The following IKZF3 variants were observed in gnomAD, a reference collection of about 807,000 sequenced individuals.
IKZF3 encodes the protein zinc finger protein Aiolos.
Under a neutral mutation model 49.0 loss-of-function variants are expected in IKZF3, and 10 were observed. That is an observed-to-expected ratio of 0.20 (90% CI 0.13 to 0.35). The LOEUF is 0.35. IKZF3 is among the 10% of genes least tolerant of loss of function. IKZF3 has a pLI of 1.00. For missense variants in IKZF3, 498 were observed against 664.8 expected, an observed-to-expected ratio of 0.75 and a Z score of 2.76; for synonymous variants, 209 against 228.2, an observed-to-expected ratio of 0.92 and a Z score of 0.76.
chr17:39,777,654 T>C lies in IKZF3; in HGVS notation c.823A>G (p.Ile275Val), dbSNP rs2143723035. 1 of 1,609,222 alleles carries C rather than the reference T, an allele frequency of 6.2e-7. No homozygotes were observed. Among genetic ancestry groups the C allele is most frequent in the Non-Finnish European group, 8.5e-7 (1 of 1,176,006 alleles). ...KRKSSMPQKF[I>V]GEKRHCFDVN... The stretch of plus-strand genomic sequence containing the variant: ...GGAAAAAGGTTTGTATTCTTACCAA[T>C]GAATTTCTGAGGCATTGAGCTTTTT... Residue 275 changes from isoleucine (I) to valine (V), a missense_variant, in exon 7 of 8, where the codon ATT (isoleucine) becomes GTT (valine). Physicochemically the swap from Ile to Val is conservative, Grantham distance 29. Transcript: ENST00000346872.
At chr17:39,788,864 G>C (rs922537151) in intron 5 of IKZF3, among the ~76,000 whole-genome samples, 1 of 152,210 alleles carries the variant, frequency 6.6e-6, no homozygotes, top group African/African-American at 2.4e-5. Flanking sequence ...GGTAAATTTA[G>C]CTCATCCTTG....
intron 6 of IKZF3, among the ~76,000 whole-genome samples, chr17:39,782,615 T>C (rs2060772985): frequency 1.3e-5 from 2 of 152,146 alleles, no homozygotes; most frequent in Non-Finnish European, 2.9e-5. Flanking sequence ...CCACTTCATA[T>C]CTCAGAAATG....
chr17:39,806,228 A>AT (rs1455877430), intron 3 of IKZF3, among the ~76,000 whole-genome samples: 1 of 152,242 alleles, frequency 6.6e-6, no homozygotes, highest in Non-Finnish European at 1.5e-5. Context: ...TAATGTATAT[A>AT]TAGGCGTAGC....
At chr17:39,830,330 T>C (rs1395476917) in intron 2 of IKZF3, among the ~76,000 whole-genome samples, 1 of 152,230 alleles carries the variant, frequency 6.6e-6, no homozygotes, top group Non-Finnish European at 1.5e-5. Context: ...TACTGAATGT[T>C]GACAAGGCTA....
intron 7 of IKZF3, among the ~76,000 whole-genome samples, chr17:39,771,213 G>T: frequency 6.6e-6 from 1 of 152,226 alleles, no homozygotes; most frequent in South Asian, 2.1e-4. Context: ...TGCTGTGATG[G>T]TTCCCATAGC....
chr17:39,854,547 A>T (rs1270253615), intron 1 of IKZF3, among the ~76,000 whole-genome samples: 2 of 152,220 alleles, frequency 1.3e-5, no homozygotes, highest in East Asian at 3.8e-4. Flanking sequence ...TCTAGAAGTC[A>T]TTAGACAGCA....
chr17:39,820,175 T>G (rs1306514136), intron 3 of IKZF3, among the ~76,000 whole-genome samples: 1 of 152,068 alleles, frequency 6.6e-6, no homozygotes, highest in Non-Finnish European at 1.5e-5. Flanking sequence ...TAAACAAAAC[T>G]CCAAAGTTAT....
chr17:39,835,904 C>A (rs2062265367), intron 1 of IKZF3: 4 of 653,140 alleles, frequency 6.1e-6, no homozygotes, highest in Non-Finnish European at 1.1e-5. Context: ...CCAGCCCCTG[C>A]ATGTTGCCAA....
chr17:39,839,805 A>G (rs1484777768), intron 1 of IKZF3, among the ~76,000 whole-genome samples: 1 of 151,900 alleles, frequency 6.6e-6, no homozygotes, highest in Admixed American at 6.6e-5. Context: ...GACTACAGGT[A>G]GGTGTCACCA....
chr17:39,862,396 A>T (rs1568082482), intron 1 of IKZF3, among the ~76,000 whole-genome samples: 1 of 152,148 alleles, frequency 6.6e-6, no homozygotes, highest in Non-Finnish European at 1.5e-5. Flanking sequence ...CATTGCCAAG[A>T]GAGGTATACA....
intron 7 of IKZF3, among the ~76,000 whole-genome samples, chr17:39,775,873 G>A (rs566444912): frequency 1.3e-5 from 2 of 150,706 alleles, no homozygotes; most frequent in East Asian, 1.9e-4. Context: ...GCGGTGAGCC[G>A]AGATCGCGCC....
chr17:39,811,064 A>T (rs571269732), intron 3 of IKZF3, among the ~76,000 whole-genome samples: 1 of 151,886 alleles, frequency 6.6e-6, no homozygotes, highest in South Asian at 2.1e-4. Context: ...ACACAGTGAG[A>T]CCCCTCTACA....
At chr17:39,838,261 C>A (rs2062359377) in intron 1 of IKZF3, among the ~76,000 whole-genome samples, 1 of 152,086 alleles carries the variant, frequency 6.6e-6, no homozygotes, top group Non-Finnish European at 1.5e-5. Flanking sequence ...TAGATCTTTT[C>A]ATATTTTCCC....
chr17:39,811,666 A>G (rs1198153019), intron 3 of IKZF3, among the ~76,000 whole-genome samples: 1 of 152,238 alleles, frequency 6.6e-6, no homozygotes, highest in African/African-American at 2.4e-5. Flanking sequence ...ATGTACTCAC[A>G]TGCTGTTCTT....
intron 1 of IKZF3, among the ~76,000 whole-genome samples, chr17:39,859,189 A>G (rs2063148716): frequency 6.6e-6 from 1 of 152,010 alleles, no homozygotes. Context: ...ATTAGACTGA[A>G]AAAATAACCT....
intron 1 of IKZF3, among the ~76,000 whole-genome samples, chr17:39,856,665 G>A (rs1219889300): frequency 6.6e-6 from 1 of 151,902 alleles, no homozygotes; most frequent in Non-Finnish European, 1.5e-5. Flanking sequence ...AATTAGCCGG[G>A]CGTGGTAGCG....
intron 1 of IKZF3, chr17:39,836,190 G>A: frequency 1.5e-6 from 1 of 664,732 alleles, no homozygotes; most frequent in South Asian, 1.6e-5. Flanking sequence ...GCAGGCTCTG[G>A]TTGACCATGA....
At position 39,853,670 on chromosome 17, in the gene IKZF3, T is replaced by C. The variant is rs951675265; in HGVS notation, c.7+10450A>G. Among the ~76,000 whole-genome samples, 4 of 152,088 alleles carry C rather than the reference T, an allele frequency of 2.6e-5. 1 individual carries two copies. Among genetic ancestry groups the C allele is most frequent in the Middle Eastern group, 6.8e-3 (2 of 294 alleles). Reference sequence around the variant, plus strand: ...GACCATCATGGAGAAACTCTGTCTCTACTAAAAATACAAAATTAGCCAGGC... The same window carrying C: ...GACCATCATGGAGAAACTCTGTCTCCACTAAAAATACAAAATTAGCCAGGC... On this transcript the variant is annotated intron_variant, in intron 1 of 7. Coordinates refer to ENST00000346872, the MANE Select transcript of IKZF3 (RefSeq NM_012481.5).
At chr17:39,801,365 G>C (rs542897414) in intron 3 of IKZF3, among the ~76,000 whole-genome samples, 1 of 137,956 alleles carries the variant, frequency 7.2e-6, no homozygotes, top group South Asian at 2.7e-4. Context: ...GGGTGGGGGG[G>C]GGCTTTTCTA....
Sources: allele counts gnomAD v4.1 joint callset (sites outside exome capture counted in the v4.1 genomes callset), GRCh38; gene constraint gnomAD v4.1.1; transcripts MANE v1.5; gene names NCBI Gene and HGNC (gene_info 2026-07-23, HGNC 2026-07-21).